Variants in NRG3 observed in about 807,000 individuals in gnomAD.
The protein encoded by NRG3 is neuregulin 3.
In NRG3, 31 loss-of-function variants were observed where a neutral mutation model predicts 66.9. The observed-to-expected ratio is 0.46, with a 90% confidence interval of 0.35 to 0.63. The LOEUF (loss-of-function observed/expected upper bound fraction) is 0.63, where lower values mean the gene tolerates loss of function less well. NRG3 is among the 20% of genes least tolerant of loss of function. NRG3 has a pLI of 0.00. For synonymous variants in NRG3, 393 were observed against 359.4 expected (o/e 1.09, Z -1.06); for missense variants, 910 against 878.9 (o/e 1.04, Z -0.45).
intron 2 of NRG3, among the ~76,000 whole-genome samples, chr10:82,424,331 A>G (rs1042951830): frequency 2.0e-5 from 3 of 151,890 alleles, no homozygotes; most frequent in Non-Finnish European, 4.4e-5. Context: ...GCCTTTTTTG[A>G]TATTAATCAT....
chr10:82,643,001 G>A (rs559500072), intron 2 of NRG3, among the ~76,000 whole-genome samples: 75 of 152,110 alleles, frequency 4.9e-4, no homozygotes, highest in African/African-American at 1.7e-3. Context: ...TTTTAGGGCG[G>A]AAGGTAGCCA....
intron 1 of NRG3, among the ~76,000 whole-genome samples, chr10:82,289,142 A>T (rs1398348203): frequency 6.6e-6 from 1 of 152,102 alleles, no homozygotes; most frequent in East Asian, 1.9e-4. Context: ...TAGGACATTG[A>T]CTTTTTCTCT....
chr10:81,961,608 T>C (rs150394483), intron 1 of NRG3, among the ~76,000 whole-genome samples: 3 of 152,346 alleles, frequency 2.0e-5, no homozygotes, highest in Non-Finnish European at 4.4e-5. Flanking sequence ...GAGATAACAC[T>C]TTTCCCATCC....
rs72819815 is a variant in NRG3 at position 82,016,250 on chromosome 10, G to T, written c.823+140087G>T. ...TATTTTTAATGGAAGCCCATAGAAT[G>T]TGCTTTTACTGTATGGTTAGCTGAG... On this transcript the variant is annotated intron_variant, in intron 1 of 8. Transcript: ENST00000372141. Among the ~76,000 whole-genome samples the T allele has an allele frequency of 6.9e-3, 1,044 of 152,198 alleles. 7 individuals carry two copies. The highest frequency in any genetic ancestry group is 8.7e-3 in the Non-Finnish European group (590 of 68,018).
chr10:82,958,262 T>C (rs1850271065), intron 5 of NRG3, among the ~76,000 whole-genome samples: 1 of 152,196 alleles, frequency 6.6e-6, no homozygotes. Context: ...AACAAATGGC[T>C]TAGCTTCTCT....
intron 1 of NRG3, among the ~76,000 whole-genome samples, chr10:82,050,889 G>A (rs1211393626): frequency 1.3e-5 from 2 of 149,484 alleles, no homozygotes; most frequent in Non-Finnish European, 3.0e-5. Context: ...CTTTAGCCAC[G>A]TCCTCATGCG....
chr10:82,017,431 T>C lies in NRG3; in HGVS notation c.823+141268T>C, dbSNP rs1212657486. ...CATGTGTCTTTATAGCAGCATGATT[T>C]ATAGTCCTTTGGGTATATACCCAGT... On this transcript the variant is annotated intron_variant, in intron 1 of 8. Transcript: ENST00000372141. Among the ~76,000 whole-genome samples the C allele has an allele frequency of 2.6e-5, 4 of 152,316 alleles. No individual in the cohort carries two copies. In the East Asian group the frequency reaches 7.7e-4, roughly 29 times the overall value.
intron 2 of NRG3, among the ~76,000 whole-genome samples, chr10:82,713,972 G>A (rs183297750): frequency 2.6e-5 from 4 of 152,010 alleles, no homozygotes; most frequent in South Asian, 4.2e-4. Flanking sequence ...TGAAGGAGCC[G>A]CCATGGTTGT....
At chr10:82,511,083 A>G (rs964700348) in intron 2 of NRG3, among the ~76,000 whole-genome samples, 3 of 152,216 alleles carry the variant, frequency 2.0e-5, no homozygotes, top group Non-Finnish European at 2.9e-5. Flanking sequence ...ATCTGCTGCC[A>G]AAAGGTAAGG....
chr10:82,986,888 A>G lies in NRG3; in HGVS notation c.*1283A>G, dbSNP rs1421461337. 1 of 152,214 alleles carries G rather than the reference A, an allele frequency of 6.6e-6. No homozygotes were observed. Among genetic ancestry groups the G allele is most frequent in the East Asian group, 1.9e-4 (1 of 5,192 alleles). The allele number at this position is 152,214 out of a possible 1,614,324, so 9.4% of individuals were successfully genotyped here. ...CAAGGCTTCGGCTTCTGTGGTTAGT[A>G]TGGGAAGAATAAATTGTTGAAATAA... On this transcript the variant is annotated 3_prime_UTR_variant, in exon 9 of 9. Coordinates refer to ENST00000372141, the MANE Select transcript of NRG3 (RefSeq NM_001010848.4).
intron 3 of NRG3, among the ~76,000 whole-genome samples, chr10:82,755,490 G>T (rs1030681729): frequency 6.6e-6 from 1 of 151,988 alleles, no homozygotes; most frequent in East Asian, 1.9e-4. Flanking sequence ...CATTTTTCAG[G>T]CTAGATGCTG....
At chr10:82,150,811 G>A (rs915045762) in intron 1 of NRG3, among the ~76,000 whole-genome samples, 1 of 152,026 alleles carries the variant, frequency 6.6e-6, no homozygotes, top group Non-Finnish European at 1.5e-5. Flanking sequence ...ACACACAACC[G>A]AGACTTTTTC....
At chr10:82,537,841 T>A (rs2043266919) in intron 2 of NRG3, among the ~76,000 whole-genome samples, 1 of 152,154 alleles carries the variant, frequency 6.6e-6, no homozygotes, top group African/African-American at 2.4e-5. Context: ...TGAGTGAGTA[T>A]GAAAATCTCT....
chr10:82,984,622 T>C (rs1853264276), intron 8 of NRG3, among the ~76,000 whole-genome samples: 2 of 152,300 alleles, frequency 1.3e-5, no homozygotes, highest in South Asian at 4.1e-4. Context: ...GGCTTCTTGA[T>C]TGGCTTCGAC....
intron 2 of NRG3, among the ~76,000 whole-genome samples, chr10:82,495,031 C>A (rs913502694): frequency 1.3e-5 from 2 of 150,294 alleles, no homozygotes; most frequent in Admixed American, 1.3e-4. Flanking sequence ...ACCTCCACCT[C>A]CCGGGTTCAA....
At chr10:82,120,525 C>T (rs940069325) in intron 1 of NRG3, among the ~76,000 whole-genome samples, 11 of 152,068 alleles carry the variant, frequency 7.2e-5, no homozygotes, top group Non-Finnish European at 1.6e-4. Context: ...ATGATACCTC[C>T]TTGGCTTTGG....
At chr10:82,909,577 C>T (rs530078550) in intron 4 of NRG3, among the ~76,000 whole-genome samples, 1 of 152,268 alleles carries the variant, frequency 6.6e-6, no homozygotes, top group East Asian at 1.9e-4. Flanking sequence ...TACTCCCACA[C>T]AAGTATGCCC....
At chr10:82,029,592 TACA>T (rs143487663) in intron 1 of NRG3, among the ~76,000 whole-genome samples, 4,477 of 152,214 alleles carry the variant, frequency 0.029, 230 homozygotes, top group African/African-American at 0.1. Context: ...GTGTCACTAC[TACA>T]ACATTTTACA....
intron 1 of NRG3, among the ~76,000 whole-genome samples, chr10:81,909,263 TG>T (rs1370939428): frequency 6.6e-6 from 1 of 152,214 alleles, no homozygotes; most frequent in Non-Finnish European, 1.5e-5. Flanking sequence ...CTGGCCATTT[TG>T]GGTTTAAGGC....
Sources: allele counts gnomAD v4.1 joint callset (sites outside exome capture counted in the v4.1 genomes callset), GRCh38; gene constraint gnomAD v4.1.1; transcripts MANE v1.5; gene names NCBI Gene and HGNC (gene_info 2026-07-23, HGNC 2026-07-21).